MGAT5: variants seen among roughly 807,000 people sequenced by gnomAD.
MGAT5 encodes alpha-1,6-mannosylglycoprotein 6-beta-N-acetylglucosaminyltransferase A.
In MGAT5, 30 loss-of-function variants were observed where a neutral mutation model predicts 94.3. The observed-to-expected ratio is 0.32, with a 90% CI of 0.24 to 0.43. MGAT5 has a LOEUF of 0.43. Ranked by LOEUF, MGAT5 falls within the 20% of genes least tolerant of loss-of-function variation. The probability of loss-of-function intolerance (pLI) is 1.00; values close to 1 mark genes in which losing one functional copy is unlikely to be tolerated. For synonymous variants in MGAT5, 310 were observed against 322.9 expected, an observed-to-expected ratio of 0.96 and a Z score of 0.43; for missense variants, 691 against 905.5, an observed-to-expected ratio of 0.76 and a Z score of 3.04.
At chr2:134,273,147 A>G (rs920334956) in intron 2 of MGAT5, among the ~76,000 whole-genome samples, 1 of 151,992 alleles carries the variant, frequency 6.6e-6, no homozygotes, top group Non-Finnish European at 1.5e-5. Context: ...GGGGTCCTTT[A>G]TATCTTGTCA....
At chr2:134,221,552 A>AGAAG (rs1426477141) in intron 1 of MGAT5, among the ~76,000 whole-genome samples, 2 of 152,216 alleles carry the variant, frequency 1.3e-5, no homozygotes, top group Non-Finnish European at 2.9e-5. Context: ...CTCCTGGGAA[A>AGAAG]GAAGGAAGGA....
intron 7 of MGAT5, among the ~76,000 whole-genome samples, chr2:134,344,304 C>T (rs995270622): frequency 6.6e-6 from 1 of 152,012 alleles, no homozygotes; most frequent in Non-Finnish European, 1.5e-5. Flanking sequence ...AGTGCTAGTT[C>T]TGTAATATGG....
chr2:134,346,669 T>C (rs574170618), intron 8 of MGAT5, among the ~76,000 whole-genome samples: 1 of 152,300 alleles, frequency 6.6e-6, no homozygotes, highest in South Asian at 2.1e-4. Flanking sequence ...AACAAACCCT[T>C]GAGGCCAGTT....
rs1257498645 is a variant in MGAT5, at chr2:134,450,827, T to TATGA, written c.*1980_*1981insATGA. The TATGA allele has an allele frequency of 7.2e-6, 1 of 138,722 alleles. No individual in the cohort carries two copies. Among genetic ancestry groups the TATGA allele is most frequent in the African/African-American group, 3.0e-5 (1 of 33,510 alleles). 8.6% of individuals were successfully genotyped at this position (138,722 alleles called of 1,614,324 possible). ...GTGTGTGTGTGTGTGTGTGTGTGTG[T>TATGA]GTGTATGAGCCTGTGCATTTCTTTT... is the stretch of plus-strand genomic sequence containing the variant. On this transcript the variant is annotated 3_prime_UTR_variant, in exon 16 of 16. Transcript: ENST00000281923.
chr2:134,374,958 A>C (rs1277186558), intron 10 of MGAT5, among the ~76,000 whole-genome samples: 1 of 152,222 alleles, frequency 6.6e-6, no homozygotes, highest in Admixed American at 6.5e-5. Context: ...GTGCCACTGC[A>C]CTGGATAAAT....
At chr2:134,126,131 G>A (rs1393851158) in intron 1 of MGAT5, among the ~76,000 whole-genome samples, 2 of 152,194 alleles carry the variant, frequency 1.3e-5, no homozygotes, top group African/African-American at 4.8e-5. Context: ...ATACTTTGTG[G>A]AATCTTCCCA....
chr2:134,282,121 C>T (rs1184143882), intron 2 of MGAT5, among the ~76,000 whole-genome samples: 1 of 152,186 alleles, frequency 6.6e-6, no homozygotes, highest in African/African-American at 2.4e-5. Context: ...ACATGAATGA[C>T]ATGGTGATGA....
chr2:134,385,377 A>G (rs778314430), intron 10 of MGAT5, among the ~76,000 whole-genome samples: 1 of 152,220 alleles, frequency 6.6e-6, no homozygotes, highest in South Asian at 2.1e-4. Context: ...GATATCAAAT[A>G]AGCATTAAAA....
intron 1 of MGAT5, among the ~76,000 whole-genome samples, chr2:134,143,609 C>G (rs2104966400): frequency 6.6e-6 from 1 of 152,220 alleles, no homozygotes; most frequent in Admixed American, 6.5e-5. Flanking sequence ...GAACATCAGG[C>G]AGGCGCCTGG....
chr2:134,366,652 A>C (rs1053934272), intron 10 of MGAT5, among the ~76,000 whole-genome samples: 1 of 152,194 alleles, frequency 6.6e-6, no homozygotes, highest in Non-Finnish European at 1.5e-5. Context: ...TAATGCACAC[A>C]TCACCTGAGG....
At chr2:134,222,060 G>A (rs867599775) in intron 1 of MGAT5, among the ~76,000 whole-genome samples, 53 of 152,108 alleles carry the variant, frequency 3.5e-4, no homozygotes, top group African/African-American at 1.3e-3. Flanking sequence ...TAGCGATTTG[G>A]ATAATGGGGA....
intron 9 of MGAT5, among the ~76,000 whole-genome samples, chr2:134,355,883 A>C (rs1266237351): frequency 6.6e-6 from 1 of 152,190 alleles, no homozygotes; most frequent in Non-Finnish European, 1.5e-5. Context: ...GCATTACAAG[A>C]TACCCCATCC....
In MGAT5 at chr2:134,441,243, G is replaced by A. The variant is rs72982203; in HGVS notation, c.1870-515G>A. Among the ~76,000 whole-genome samples the A allele has an allele frequency of 5.6e-3, 854 of 152,228 alleles. 8 individuals are homozygous for A. Among genetic ancestry groups the A allele is most frequent in the African/African-American group, 0.02 (813 of 41,506 alleles). On this transcript the variant is annotated intron_variant, in intron 14 of 15. Transcript: ENST00000281923. ...CTTGGCGTGATCTTCACCTCACAGCGTCAGAACCTTGCCATTGAGATAAAA... is the reference window on the plus strand; with the variant it reads ...CTTGGCGTGATCTTCACCTCACAGCATCAGAACCTTGCCATTGAGATAAAA...
chr2:134,223,338 T>TTA (rs1680886838), intron 1 of MGAT5, among the ~76,000 whole-genome samples: 1 of 151,992 alleles, frequency 6.6e-6, no homozygotes, highest in Admixed American at 6.6e-5. Flanking sequence ...TCCTATAGTT[T>TTA]TAGCAACAGA....
chr2:134,270,583 GT>G lies in MGAT5; in HGVS notation c.406+34del, dbSNP rs888828423. On this transcript the variant is annotated intron_variant, in intron 2 of 15. Coordinates refer to ENST00000281923, the MANE Select transcript of MGAT5 (RefSeq NM_002410.5). ...TAGCAATTCTCTGCCCTGATATGGA[GT>G]CACACCCTGCTTTGGACCAAGAAGA... 3 of 1,608,284 alleles carry G rather than the reference GT, an allele frequency of 1.9e-6. No homozygotes were observed. The African/African-American group carries it at 4.0e-5, about 22-fold the overall frequency.
intron 1 of MGAT5, among the ~76,000 whole-genome samples, chr2:134,179,698 G>C (rs1185226520): frequency 1.3e-5 from 2 of 152,150 alleles, no homozygotes; most frequent in Non-Finnish European, 2.9e-5. Flanking sequence ...CTTCATATCT[G>C]CTTCATGCTC....
At chr2:134,182,787 T>TG (rs1688804872) in intron 1 of MGAT5, among the ~76,000 whole-genome samples, 1 of 141,822 alleles carries the variant, frequency 7.1e-6, no homozygotes, top group Admixed American at 6.9e-5. Flanking sequence ...TTAGTTTTTT[T>TG]TTTTTTTTTT....
intron 1 of MGAT5, among the ~76,000 whole-genome samples, chr2:134,200,163 C>T (rs980666259): frequency 2.0e-5 from 3 of 148,482 alleles, no homozygotes; most frequent in Middle Eastern, 3.2e-3. Context: ...CCCCATTCCC[C>T]CCCTGCCCCG....
intron 2 of MGAT5, among the ~76,000 whole-genome samples, chr2:134,283,118 G>A (rs746498180): frequency 1.3e-5 from 2 of 152,180 alleles, no homozygotes; most frequent in Middle Eastern, 3.2e-3. Context: ...CATTGGTTCA[G>A]CATGTGATGA....
Sources: gnomAD v4.1 joint callset for allele counts (sites outside exome capture counted in the v4.1 genomes callset) on GRCh38, gnomAD v4.1.1 for gene constraint, MANE v1.5 for transcripts, NCBI Gene and HGNC (gene_info 2026-07-23, HGNC 2026-07-21) for gene names.